SP110: variants seen among roughly 807,000 people sequenced by gnomAD.
The protein encoded by SP110 is SP110 nuclear body protein.
In SP110, 62 loss-of-function variants were observed where a neutral mutation model predicts 92.7. That is an observed-to-expected ratio of 0.67 (90% CI 0.55 to 0.83). The LOEUF is 0.83. SP110 is among the 40% of genes least tolerant of loss of function. The pLI is 0.00. For missense variants in SP110, 793 were observed against 863.9 expected (o/e 0.92, Z 1.03); for synonymous variants, 273 against 305.3 (o/e 0.89, Z 1.10).
intron 1 of SP110, 148 bp from the exon 2 acceptor site, chr2:230,217,076 T>A (rs948458647): frequency 1.2e-4 from 73 of 631,108 alleles, no homozygotes; most frequent in African/African-American, 1.2e-3. Flanking sequence ...TGAAACTCTG[T>A]CTCTACTAAA....
Position 230,202,613 on chromosome 2 carries a change from C to T in SP110, c.1014G>A (p.Ala338=), listed in dbSNP as rs1193533557. The T allele has an allele frequency of 8.1e-6, 13 of 1,614,186 alleles. No individual in the cohort carries two copies. The highest frequency in any genetic ancestry group is 4.0e-5 in the African/African-American group (3 of 75,054). ...TCGACTTTCGGGCACATTCAGTTCT[C>T]GCCTTTTGGGCCCTTGTCTCTACCG... ...NSTVETRAQK[A]RTECARKSRS... is the part of the protein sequence containing the mutation. Residue 338 remains alanine (A), a synonymous_variant, in exon 9 of 19, where the codon GCG becomes GCA. Transcript: ENST00000258381.
intron 9 of SP110, 127 bp from the exon 10 acceptor site, chr2:230,201,092 A>T: frequency 1.3e-6 from 1 of 767,740 alleles, no homozygotes; most frequent in Non-Finnish European, 2.3e-6. Context: ...CCCTCCTAAC[A>T]ATGCATCTAC....
At chr2:230,204,452 G>T (rs1369723463) in intron 8 of SP110, among the ~76,000 whole-genome samples, 1 of 152,122 alleles carries the variant, frequency 6.6e-6, no homozygotes, top group African/African-American at 2.4e-5. Context: ...AATTGTATTG[G>T]AAATTTCCCT....
intron 12 of SP110, 54 bp downstream of exon 12, chr2:230,183,518 G>C: frequency 8.6e-7 from 1 of 1,165,520 alleles, no homozygotes; most frequent in African/African-American, 1.5e-5. Flanking sequence ...GCTTCCAGCA[G>C]AGGCCAGGGC....
At chr2:230,218,287 T>C (rs1375599927) in intron 1 of SP110, among the ~76,000 whole-genome samples, 1 of 152,210 alleles carries the variant, frequency 6.6e-6, no homozygotes, top group East Asian at 1.9e-4. Context: ...CAGTGGCAGA[T>C]TAAGCACCCT....
At chr2:230,170,002 T>A (rs2078391197) in intron 18 of SP110, among the ~76,000 whole-genome samples, 1 of 152,048 alleles carries the variant, frequency 6.6e-6, no homozygotes, top group African/African-American at 2.4e-5. Flanking sequence ...GGAAGCTGGG[T>A]GGAGATGAAA....
intron 14 of SP110, chr2:230,176,872 T>G (rs901639487): frequency 2.5e-6 from 2 of 785,962 alleles, no homozygotes; most frequent in African/African-American, 1.7e-5. Flanking sequence ...ATTAGCTCCC[T>G]CCCCCAGTCA....
intron 14 of SP110, among the ~76,000 whole-genome samples, chr2:230,174,755 C>T (rs1046234932): frequency 5.9e-5 from 9 of 152,264 alleles, no homozygotes; most frequent in Non-Finnish European, 1.3e-4. Flanking sequence ...GGAGTACCAG[C>T]ATCGGTCTCT....
At chr2:230,193,156 A>T (rs1041737551) in intron 10 of SP110, among the ~76,000 whole-genome samples, 2 of 152,166 alleles carry the variant, frequency 1.3e-5, no homozygotes, top group African/African-American at 2.4e-5. Context: ...GTTTTATCTG[A>T]TATGAGAAAA....
intron 15 of SP110, chr2:230,172,393 G>A (rs2078469276): frequency 2.1e-5 from 13 of 606,986 alleles, no homozygotes; most frequent in South Asian, 1.9e-4. Context: ...TGGTGTCACT[G>A]TTAAGTGTGG....
At chr2:230,178,461 CA>C (rs11382160) in intron 12 of SP110, among the ~76,000 whole-genome samples, 1 of 148,690 alleles carries the variant, frequency 6.7e-6, no homozygotes, top group Non-Finnish European at 1.5e-5. Context: ...AACACTATAT[CA>C]AAAAAAAAAA....
At chr2:230,195,293 A>T (rs1216602632) in intron 10 of SP110, among the ~76,000 whole-genome samples, 1 of 152,164 alleles carries the variant, frequency 6.6e-6, no homozygotes, top group Non-Finnish European at 1.5e-5. Context: ...TTGAATAAAG[A>T]TGGATCAGGA....
chr2:230,212,788 G>C lies in SP110; in HGVS notation c.556C>G (p.Leu186Val). ...GAAGTGCTTCTTCCTTCCTGGATGA[G>C]TGCAGGGAGAGGCAGGACAGGGTCA... Reference protein sequence around the residue: ...PSDPVLPLPALIQEGRSTSVT... With the variant: ...PSDPVLPLPAVIQEGRSTSVT... Residue 186 changes from leucine to valine, a missense_variant, in exon 4 of 19, where the codon CTC (leucine) becomes GTC (valine). Coordinates refer to ENST00000258381, the MANE Select transcript of SP110 (RefSeq NM_080424.4). 1 of 1,614,180 alleles carries C rather than the reference G, an allele frequency of 6.2e-7. No individual in the cohort carries two copies. The highest frequency in any genetic ancestry group is 8.5e-7 in the Non-Finnish European group (1 of 1,180,024).
chr2:230,206,969 C>A (rs985660756), intron 8 of SP110, among the ~76,000 whole-genome samples: 1 of 151,984 alleles, frequency 6.6e-6, no homozygotes, highest in African/African-American at 2.4e-5. Context: ...TGGTCTTTCC[C>A]TAGGTATTTA....
intron 18 of SP110, 86 bp downstream of exon 18, chr2:230,170,535 G>A (rs1006029423): frequency 6.0e-6 from 9 of 1,488,856 alleles, no homozygotes; most frequent in African/African-American, 5.5e-5. Context: ...GGCTGAAACT[G>A]AGTGTAATAC....
chr2:230,198,531 C>T (rs192027071), intron 10 of SP110, among the ~76,000 whole-genome samples: 17 of 152,214 alleles, frequency 1.1e-4, no homozygotes, highest in Middle Eastern at 3.2e-3. Context: ...TTAAAGATTA[C>T]ATTTCCCAGC....
intron 14 of SP110, chr2:230,176,335 A>G (rs1454261794): frequency 1.5e-5 from 8 of 516,370 alleles, no homozygotes; most frequent in South Asian, 1.1e-4. Flanking sequence ...GCACACCACC[A>G]TTCCTAGTTG....
At chr2:230,181,576 AT>A (rs34618178) in intron 12 of SP110, among the ~76,000 whole-genome samples, 1 of 152,206 alleles carries the variant, frequency 6.6e-6, no homozygotes, top group South Asian at 2.1e-4. Context: ...AATATCCAGA[AT>A]TTACAAGGAA....
At position 230,201,684 on chromosome 2, in the gene SP110, A is replaced by G. The variant is rs377214382; in HGVS notation, c.1049-719T>C. On this transcript the variant is annotated intron_variant, in intron 9 of 18. Transcript: ENST00000258381. ...CCTCAAGAAAACACTTGTGTGATTG[A>G]GATACAAGCTCACTGTATAATTCCA... is the stretch of plus-strand genomic sequence containing the variant. 3.3e-3 allele frequency among the ~76,000 whole-genome samples: 501 copies of G among 152,372 alleles called. 3 individuals carry two copies. Among genetic ancestry groups the G allele is most frequent in the African/African-American group, 0.011 (478 of 41,582 alleles).
Sources: gnomAD v4.1 joint callset for allele counts (sites outside exome capture counted in the v4.1 genomes callset) on GRCh38, gnomAD v4.1.1 for gene constraint, MANE v1.5 for transcripts, NCBI Gene and HGNC (gene_info 2026-07-23, HGNC 2026-07-21) for gene names.